LUZP2: variants seen among roughly 807,000 people sequenced by gnomAD.
LUZP2 encodes leucine zipper protein 2.
LUZP2 carries 52 observed loss-of-function variants against 51.6 expected under a neutral mutation model. That is an observed-to-expected ratio of 1.01 (90% CI 0.81 to 1.27). The LOEUF (loss-of-function observed/expected upper bound fraction) is 1.27. Ranked by LOEUF, LUZP2 falls within the 50% of genes most tolerant of loss-of-function variation. LUZP2 has a pLI of 0.00. For synonymous variants in LUZP2, 154 were observed against 137.3 expected (o/e 1.12, Z -0.85); for missense variants, 436 against 395.4 (o/e 1.10, Z -0.87).
chr11:24,777,034 G>A (rs187804242), intron 5 of LUZP2, among the ~76,000 whole-genome samples: 77 of 144,538 alleles, frequency 5.3e-4, no homozygotes, highest in Non-Finnish European at 6.3e-4. Context: ...TTGCTCCGTC[G>A]CCCAGGCTGG....
intron 5 of LUZP2, among the ~76,000 whole-genome samples, chr11:24,848,487 C>T (rs2631464): frequency 0.15 from 23,298 of 152,174 alleles, 1,961 homozygotes; most frequent in African/African-American, 0.2. Context: ...TGCCCCTATA[C>T]ATTCTTAGCT....
In LUZP2 at chr11:24,558,154, A is replaced by G. The variant is rs143760042; in HGVS notation, c.62+60849A>G. 1.3e-5 allele frequency among the ~76,000 whole-genome samples: 2 copies of G among 152,192 alleles called. 1 individual carries two copies. The highest frequency in any genetic ancestry group is 2.9e-5 in the Non-Finnish European group (2 of 68,022). Reference sequence around the variant, plus strand: ...TCTTGGATGTCAAAATTCCAGGTTCACCAGCTTTTAGACTCTGGGGCTCAC... The same window carrying G: ...TCTTGGATGTCAAAATTCCAGGTTCGCCAGCTTTTAGACTCTGGGGCTCAC... On this transcript the variant is annotated intron_variant, in intron 1 of 11. Coordinates refer to ENST00000336930, the MANE Select transcript of LUZP2 (RefSeq NM_001009909.4).
chr11:24,865,589 C>G (rs558186691), intron 5 of LUZP2, among the ~76,000 whole-genome samples: 2 of 152,216 alleles, frequency 1.3e-5, no homozygotes, highest in East Asian at 1.9e-4. Flanking sequence ...GCTCCTGCTG[C>G]TAGTGTCTGT....
At chr11:24,604,868 A>G (rs1311192047) in intron 1 of LUZP2, among the ~76,000 whole-genome samples, 1 of 151,866 alleles carries the variant, frequency 6.6e-6, no homozygotes, top group Admixed American at 6.6e-5. Context: ...AGCAGCACCC[A>G]GTTGGTGTGC....
chr11:24,982,867 T>C (rs534210740), intron 8 of LUZP2, among the ~76,000 whole-genome samples: 2 of 151,968 alleles, frequency 1.3e-5, no homozygotes, highest in African/African-American at 2.4e-5. Context: ...GTGGAAATCA[T>C]GTCAGTTCAA....
At chr11:24,772,292 A>G (rs750809408) in intron 5 of LUZP2, among the ~76,000 whole-genome samples, 4 of 152,196 alleles carry the variant, frequency 2.6e-5, no homozygotes, top group Non-Finnish European at 5.9e-5. Flanking sequence ...TTTCTAAAAT[A>G]AATTATTCTA....
At chr11:24,978,440 G>A (rs189468462) in intron 8 of LUZP2, among the ~76,000 whole-genome samples, 2 of 151,752 alleles carry the variant, frequency 1.3e-5, no homozygotes, top group East Asian at 3.9e-4. Context: ...AAAATCATTA[G>A]ATTCCCATGA....
At chr11:24,748,743 C>T (rs1245762668) in intron 4 of LUZP2, among the ~76,000 whole-genome samples, 1 of 152,078 alleles carries the variant, frequency 6.6e-6, no homozygotes, top group Non-Finnish European at 1.5e-5. Flanking sequence ...AGGTATGAGC[C>T]ACTGCACCCA....
chr11:24,850,168 T>G (rs1387276017), intron 5 of LUZP2, among the ~76,000 whole-genome samples: 1 of 152,336 alleles, frequency 6.6e-6, no homozygotes, highest in South Asian at 2.1e-4. Flanking sequence ...CTGCCATTGC[T>G]TTTGGTGTTT....
chr11:24,835,160 C>A (rs772214658), intron 5 of LUZP2, among the ~76,000 whole-genome samples: 1 of 152,078 alleles, frequency 6.6e-6, no homozygotes, highest in Non-Finnish European at 1.5e-5. Context: ...CACCACACAT[C>A]TATAACCATC....
intron 4 of LUZP2, among the ~76,000 whole-genome samples, chr11:24,741,896 T>G (rs1254711099): frequency 7.3e-6 from 1 of 137,556 alleles, no homozygotes; most frequent in Non-Finnish European, 1.5e-5. Context: ...TTTATATACA[T>G]ATATATTTCT....
chr11:24,848,718 G>A (rs1161502790), intron 5 of LUZP2, among the ~76,000 whole-genome samples: 1 of 152,076 alleles, frequency 6.6e-6, no homozygotes, highest in Non-Finnish European at 1.5e-5. Context: ...TTTTAGCCCT[G>A]ACAATGGAAA....
At chr11:24,932,612 C>T (rs182434590) in intron 7 of LUZP2, among the ~76,000 whole-genome samples, 13 of 152,272 alleles carry the variant, frequency 8.5e-5, no homozygotes, top group African/African-American at 2.9e-4. Context: ...CCTCACCCAG[C>T]TCGCACACAG....
chr11:24,518,973 T>G (rs571923115), intron 1 of LUZP2, among the ~76,000 whole-genome samples: 2 of 152,322 alleles, frequency 1.3e-5, no homozygotes, highest in South Asian at 4.1e-4. Context: ...ATTTGTTGGT[T>G]CAGGTGACGT....
chr11:24,823,979 C>T (rs992374239), intron 5 of LUZP2, among the ~76,000 whole-genome samples: 3 of 151,952 alleles, frequency 2.0e-5, no homozygotes, highest in East Asian at 2.0e-4. Context: ...AGGAGAATGG[C>T]GTGAACCCAG....
chr11:24,521,368 A>T (rs1292183249), intron 1 of LUZP2, among the ~76,000 whole-genome samples: 2 of 79,960 alleles, frequency 2.5e-5, no homozygotes, highest in African/African-American at 4.6e-5. Flanking sequence ...AAAAAAAAAA[A>T]GGTGGGGGTG....
chr11:24,588,198 A>C (rs2133836273), intron 1 of LUZP2, among the ~76,000 whole-genome samples: 1 of 152,244 alleles, frequency 6.6e-6, no homozygotes, highest in South Asian at 2.1e-4. Flanking sequence ...TAGATGACTC[A>C]AAATTTATCC....
intron 5 of LUZP2, among the ~76,000 whole-genome samples, chr11:24,867,452 G>A (rs1851933684): frequency 6.6e-6 from 1 of 152,082 alleles, no homozygotes; most frequent in African/African-American, 2.4e-5. Context: ...TTTTGTTATT[G>A]ATCACGCTCT....
At chr11:25,036,357 C>A (rs961178589) in intron 9 of LUZP2, among the ~76,000 whole-genome samples, 3 of 151,890 alleles carry the variant, frequency 2.0e-5, no homozygotes, top group African/African-American at 7.2e-5. Flanking sequence ...GCAATCTTCT[C>A]TTTCTTTTTC....
Sources: gnomAD v4.1 joint callset for allele counts (sites outside exome capture counted in the v4.1 genomes callset) on GRCh38, gnomAD v4.1.1 for gene constraint, MANE v1.5 for transcripts, NCBI Gene and HGNC (gene_info 2026-07-23, HGNC 2026-07-21) for gene names.